Variants in RPAP2 observed in about 807,000 individuals in gnomAD.
RPAP2 encodes RNA polymerase II associated protein 2, also known as putative RNA polymerase II subunit B1 CTD phosphatase RPAP2.
A neutral mutation model predicts 73.1 loss-of-function variants in RPAP2; 52 were observed. The ratio of observed to expected loss-of-function variants is 0.71; its 90% CI spans 0.57 to 0.90. The LOEUF is 0.90. Ranked by LOEUF, RPAP2 falls within the 40% of genes least tolerant of loss-of-function variation. The probability of loss-of-function intolerance (pLI) is 0.00; values close to 1 mark genes in which losing one functional copy is unlikely to be tolerated. For missense variants in RPAP2, 598 were observed against 701.8 expected (o/e 0.85, Z 1.67); for synonymous variants, 225 against 242.1 (o/e 0.93, Z 0.65).
At chr1:92,321,212 A>T (rs1489051664) in intron 7 of RPAP2, among the ~76,000 whole-genome samples, 4 of 152,198 alleles carry the variant, frequency 2.6e-5, no homozygotes, top group Non-Finnish European at 5.9e-5. Context: ...TTATTTATTG[A>T]TGTATATCTT....
intron 11 of RPAP2, among the ~76,000 whole-genome samples, chr1:92,365,536 T>C (rs561761381): frequency 9.2e-5 from 14 of 152,326 alleles, no homozygotes; most frequent in South Asian, 4.1e-4. Context: ...CTAGTGCACA[T>C]TGGTGTGCTA....
At chr1:92,382,182 A>G (rs1215043219) in intron 12 of RPAP2, among the ~76,000 whole-genome samples, 1 of 152,026 alleles carries the variant, frequency 6.6e-6, no homozygotes, top group Non-Finnish European at 1.5e-5. Flanking sequence ...TTGGACATTT[A>G]GGTTGGTTCC....
chr1:92,351,356 T>C (rs1305537735), intron 11 of RPAP2, among the ~76,000 whole-genome samples: 2 of 149,344 alleles, frequency 1.3e-5, no homozygotes, highest in African/African-American at 4.9e-5. Flanking sequence ...TTGCATAAAA[T>C]TATATTTTTT....
At chr1:92,344,021 A>C (rs1278866635) in intron 10 of RPAP2, among the ~76,000 whole-genome samples, 1 of 152,218 alleles carries the variant, frequency 6.6e-6, no homozygotes, top group East Asian at 1.9e-4. Flanking sequence ...AGCAACTGCT[A>C]CTGTGAAGTA....
chr1:92,326,713 A>C (rs2101194622), intron 8 of RPAP2, among the ~76,000 whole-genome samples: 2 of 152,304 alleles, frequency 1.3e-5, no homozygotes. Flanking sequence ...CTGCTGTGTC[A>C]TGCAGGTTGT....
At chr1:92,321,435 T>A (rs1652253341) in intron 7 of RPAP2, among the ~76,000 whole-genome samples, 1 of 152,044 alleles carries the variant, frequency 6.6e-6, no homozygotes, top group East Asian at 1.9e-4. Flanking sequence ...TTTTCTTCAT[T>A]CCCATCCATG....
chr1:92,300,308 A>C (rs1040130736), intron 2 of RPAP2, 69 bp downstream of exon 2: 11 of 1,244,492 alleles, frequency 8.8e-6, no homozygotes, highest in African/African-American at 1.5e-5. Context: ...CCAATTTTAA[A>C]ACAATAATGG....
chr1:92,345,768 A>C, intron 10 of RPAP2, 78 bp from the exon 11 acceptor site: 2 of 901,428 alleles, frequency 2.2e-6, no homozygotes, highest in Non-Finnish European at 3.5e-6. Context: ...CATTATTATA[A>C]ATCTGATGTT....
At position 92,388,845 on chromosome 1, in the gene RPAP2, G is replaced by A. The variant is rs750084563; in HGVS notation, c.*1834G>A. 1 of 152,322 alleles carries A rather than the reference G, an allele frequency of 6.6e-6. No individual in the cohort carries two copies. The highest frequency in any genetic ancestry group is 1.5e-5 in the Non-Finnish European group (1 of 68,114). 9.4% of individuals were successfully genotyped at this position (152,322 alleles called of 1,614,324 possible). ...GGTGTCCGCCATTGCTGAGGCTTGA[G>A]TAGGCGGTTCTATGCTCACAGTGTA... On this transcript the variant is annotated 3_prime_UTR_variant, in exon 13 of 13. Transcript: ENST00000610020.
chr1:92,319,723 G>A (rs1167459160), intron 6 of RPAP2, among the ~76,000 whole-genome samples: 1 of 152,320 alleles, frequency 6.6e-6, no homozygotes, highest in Middle Eastern at 3.4e-3. Context: ...CATTGGCCAG[G>A]CACAGTGGCT....
intron 11 of RPAP2, among the ~76,000 whole-genome samples, chr1:92,369,468 C>T (rs1360455656): frequency 6.6e-6 from 1 of 152,154 alleles, no homozygotes; most frequent in Admixed American, 6.5e-5. Context: ...CCACACTCAA[C>T]TAATTTTTTT....
intron 11 of RPAP2, among the ~76,000 whole-genome samples, chr1:92,350,333 T>A (rs1381980358): frequency 1.3e-5 from 2 of 152,212 alleles, no homozygotes; most frequent in African/African-American, 4.8e-5. Context: ...AAGCACTCCT[T>A]ACACACAGAA....
rs544041190 is a variant in RPAP2 at position 92,400,087 on chromosome 1, C to G, written c.*13076C>G. 6.6e-6 allele frequency: 1 copy of G among 152,296 alleles called. No individual in the cohort carries two copies. Among genetic ancestry groups the G allele is most frequent in the South Asian group, 2.1e-4 (1 of 4,816 alleles). The allele number at this position is 152,296 out of a possible 1,614,324, so 9.4% of individuals were successfully genotyped here. ...AAAACCCAGGTCTCAAACTCCTTGT[C>G]TATGGCTCATCTAACTAAGCAACAA... On this transcript the variant is annotated 3_prime_UTR_variant, in exon 13 of 13. Transcript: ENST00000610020.
intron 7 of RPAP2, among the ~76,000 whole-genome samples, chr1:92,321,476 A>T (rs6684304): frequency 0.05 from 7,629 of 151,434 alleles, 469 homozygotes; most frequent in African/African-American, 0.14. Context: ...ATATATATAT[A>T]TTTTTTTCTT....
At chr1:92,324,984 A>G (rs1476580631) in intron 8 of RPAP2, among the ~76,000 whole-genome samples, 1 of 152,222 alleles carries the variant, frequency 6.6e-6, no homozygotes, top group Admixed American at 6.5e-5. Flanking sequence ...AAATGGAACT[A>G]TTAATAGCTT....
chr1:92,315,490 T>G (rs1261951418), intron 6 of RPAP2, among the ~76,000 whole-genome samples: 1 of 152,194 alleles, frequency 6.6e-6, no homozygotes, highest in Non-Finnish European at 1.5e-5. Flanking sequence ...ACCACAAACA[T>G]TCAATTTGTA....
intron 6 of RPAP2, among the ~76,000 whole-genome samples, chr1:92,314,305 G>GT (rs1651773236): frequency 6.7e-6 from 1 of 150,260 alleles, no homozygotes; most frequent in African/African-American, 2.4e-5. Context: ...CCATTGTAAG[G>GT]GTTTTTTTGT....
At chr1:92,360,168 A>G (rs1055593598) in intron 11 of RPAP2, among the ~76,000 whole-genome samples, 2 of 152,224 alleles carry the variant, frequency 1.3e-5, no homozygotes, top group African/African-American at 4.8e-5. Flanking sequence ...GAACACTGTT[A>G]AAGAGTCCAA....
chr1:92,314,496 A>T (rs1651794082), intron 6 of RPAP2, among the ~76,000 whole-genome samples: 1 of 152,184 alleles, frequency 6.6e-6, no homozygotes. Context: ...AACACCAGTA[A>T]TCCAGCACTT....
Sources: allele counts gnomAD v4.1 joint callset (sites outside exome capture counted in the v4.1 genomes callset), GRCh38; gene constraint gnomAD v4.1.1; transcripts MANE v1.5; gene names NCBI Gene and HGNC (gene_info 2026-07-23, HGNC 2026-07-21).